CAB39: variants seen among roughly 807,000 people sequenced by gnomAD.
CAB39 encodes the protein calcium binding protein 39, also known as calcium-binding protein 39.
CAB39 carries 8 observed loss-of-function variants against 40.0 expected under a neutral mutation model. The observed-to-expected ratio is 0.20, with a 90% CI of 0.12 to 0.36. The LOEUF (loss-of-function observed/expected upper bound fraction) is 0.36, where lower values mean the gene tolerates loss of function less well. Among genes scored for constraint, CAB39 ranks in the 10% least tolerant of loss-of-function variants. The pLI, the probability that CAB39 is intolerant of heterozygous loss-of-function variation, is 1.00. For synonymous variants in CAB39, 156 were observed against 141.6 expected (o/e 1.10, Z -0.72); for missense variants, 270 against 401.1 (o/e 0.67, Z 2.79).
At chr2:230,817,339 T>C (rs1465176748) in intron 7 of CAB39, among the ~76,000 whole-genome samples, 5 of 152,226 alleles carry the variant, frequency 3.3e-5, no homozygotes, top group African/African-American at 1.2e-4. Flanking sequence ...CTAAATAAAA[T>C]TTAAAAATAG....
chr2:230,809,160 A>C (rs1412455374), intron 5 of CAB39, among the ~76,000 whole-genome samples: 1 of 152,186 alleles, frequency 6.6e-6, no homozygotes, highest in Non-Finnish European at 1.5e-5. Flanking sequence ...CTTTCACAGA[A>C]AGTAGGTGAC....
intron 2 of CAB39, among the ~76,000 whole-genome samples, chr2:230,762,927 T>C (rs1218577462): frequency 6.6e-6 from 1 of 152,224 alleles, no homozygotes; most frequent in Non-Finnish European, 1.5e-5. Context: ...GATGTGATGA[T>C]AGAGCACATT....
chr2:230,726,272 C>T (rs1453168893), intron 1 of CAB39, among the ~76,000 whole-genome samples: 1 of 151,934 alleles, frequency 6.6e-6, no homozygotes, highest in Non-Finnish European at 1.5e-5. Flanking sequence ...AAGCAATTCT[C>T]GTGCCTTAGC....
chr2:230,761,317 C>G (rs1028586521), intron 2 of CAB39, among the ~76,000 whole-genome samples: 2 of 152,150 alleles, frequency 1.3e-5, no homozygotes, highest in African/African-American at 4.8e-5. Context: ...ATTCCTGACT[C>G]TGAATTTATA....
rs557824318 is a variant in CAB39, at chr2:230,808,651, T to TA, written c.568-1611dup. Among the ~76,000 whole-genome samples, 15 of 152,340 alleles carry TA rather than the reference T, an allele frequency of 9.8e-5. No individual in the cohort carries two copies. In the East Asian group the frequency reaches 2.9e-3, roughly 29 times the overall value. ...CTCAGAATAAACTTCAGGTTTTTAA[T>TA]ATGGCCTGTTGAATCCTCAAGGAGG... On this transcript the variant is annotated intron_variant, in intron 5 of 8. Coordinates refer to ENST00000258418, the MANE Select transcript of CAB39 (RefSeq NM_016289.4).
chr2:230,818,467 C>T (rs750879893), intron 8 of CAB39, 49 bp from the exon 9 acceptor site: 2 of 1,509,660 alleles, frequency 1.3e-6, no homozygotes, highest in Non-Finnish European at 1.8e-6. Flanking sequence ...TCAGGTGTGG[C>T]TGCGTTTTGT....
intron 2 of CAB39, among the ~76,000 whole-genome samples, chr2:230,778,725 C>T (rs1000286279): frequency 7.9e-5 from 12 of 152,174 alleles, no homozygotes; most frequent in Admixed American, 1.3e-4. Context: ...TTACACGTTA[C>T]TTAACAACAG....
chr2:230,758,353 G>C (rs1386227911), intron 1 of CAB39, among the ~76,000 whole-genome samples: 1 of 151,462 alleles, frequency 6.6e-6, no homozygotes, highest in Non-Finnish European at 1.5e-5. Flanking sequence ...CAAAGGATAT[G>C]CATTAAACTA....
chr2:230,733,023 G>C (rs533290314), intron 1 of CAB39, among the ~76,000 whole-genome samples: 2 of 152,206 alleles, frequency 1.3e-5, no homozygotes, highest in Admixed American at 6.5e-5. Flanking sequence ...TTTATGTGCA[G>C]GTTACCCTGT....
intron 1 of CAB39, among the ~76,000 whole-genome samples, chr2:230,741,432 A>G (rs972867041): frequency 6.6e-6 from 1 of 152,194 alleles, no homozygotes; most frequent in Admixed American, 6.5e-5. Flanking sequence ...CAGATTTGAT[A>G]CTTCGTCAGT....
At chr2:230,725,294 C>G in intron 1 of CAB39, 1 of 1,574,622 alleles carries the variant, frequency 6.4e-7, no homozygotes, top group Non-Finnish European at 8.7e-7. Flanking sequence ...GTCAAAGCCC[C>G]TTTCCTCCAG....
intron 7 of CAB39, among the ~76,000 whole-genome samples, chr2:230,815,865 G>T (rs1185432147): frequency 2.0e-5 from 3 of 152,196 alleles, no homozygotes; most frequent in African/African-American, 7.2e-5. Context: ...TTTAAAGATG[G>T]ATTTTAATTT....
At chr2:230,818,462 T>C in intron 8 of CAB39, 54 bp from the exon 9 acceptor site, 1 of 1,429,076 alleles carries the variant, frequency 7.0e-7, no homozygotes, top group Non-Finnish European at 9.8e-7. Context: ...GCAGCTCAGG[T>C]GTGGCTGCGT....
chr2:230,801,974 T>A (rs1019212600), intron 5 of CAB39, among the ~76,000 whole-genome samples: 1 of 152,148 alleles, frequency 6.6e-6, no homozygotes, highest in African/African-American at 2.4e-5. Flanking sequence ...TTTTTCTTTT[T>A]TGAGGAATTA....
At chr2:230,721,969 G>A (rs1360265801) in intron 1 of CAB39, among the ~76,000 whole-genome samples, 1 of 151,726 alleles carries the variant, frequency 6.6e-6, no homozygotes, top group African/African-American at 2.4e-5. Flanking sequence ...GGCATTCAAA[G>A]CATTTACTTA....
At chr2:230,737,607 A>T (rs1694809439) in intron 1 of CAB39, among the ~76,000 whole-genome samples, 2 of 152,198 alleles carry the variant, frequency 1.3e-5, no homozygotes, top group African/African-American at 4.8e-5. Flanking sequence ...CCTCACATTA[A>T]CTTGTGTTAG....
chr2:230,776,457 A>G (rs1695587323), intron 2 of CAB39, among the ~76,000 whole-genome samples: 1 of 152,158 alleles, frequency 6.6e-6, no homozygotes, highest in South Asian at 2.1e-4. Context: ...GTGGATATGC[A>G]TATAGCTCTA....
At chr2:230,816,478 C>T (rs888476775) in intron 7 of CAB39, among the ~76,000 whole-genome samples, 3 of 152,158 alleles carry the variant, frequency 2.0e-5, no homozygotes. Flanking sequence ...CCTATGAGTT[C>T]CTTATAAAGC....
chr2:230,809,142 G>A (rs901919047), intron 5 of CAB39, among the ~76,000 whole-genome samples: 4 of 152,130 alleles, frequency 2.6e-5, no homozygotes, highest in Non-Finnish European at 2.9e-5. Flanking sequence ...AGGCCCTTTC[G>A]GGAAGGGCTT....
Sources: gnomAD v4.1 joint callset for allele counts (sites outside exome capture counted in the v4.1 genomes callset) on GRCh38, gnomAD v4.1.1 for gene constraint, MANE v1.5 for transcripts, NCBI Gene and HGNC (gene_info 2026-07-23, HGNC 2026-07-21) for gene names.